The following NEIL3 variants were observed in gnomAD, a reference collection of about 807,000 sequenced individuals.
The protein encoded by NEIL3 is nei like DNA glycosylase 3.
A neutral mutation model predicts 57.5 loss-of-function variants in NEIL3; 48 were observed. The ratio of observed to expected loss-of-function variants is 0.83; its 90% CI spans 0.66 to 1.06. The LOEUF (loss-of-function observed/expected upper bound fraction) is 1.06, where lower values mean the gene tolerates loss of function less well. NEIL3 is among the 50% of genes least tolerant of loss of function. The probability of loss-of-function intolerance (pLI) is 0.00; values close to 1 mark genes in which losing one functional copy is unlikely to be tolerated. For synonymous variants in NEIL3, 261 were observed against 253.2 expected (o/e 1.03, Z -0.29); for missense variants, 717 against 739.1 (o/e 0.97, Z 0.35).
the NEIL3 span, among the ~76,000 whole-genome samples, chr4:177,368,636 C>CT: frequency 6.6e-6 from 1 of 152,228 alleles, no homozygotes; most frequent in Admixed American, 6.5e-5. Context: ...ATTTGTTAAA[C>CT]TTTGTAGATG....
chr4:177,335,657 G>A (rs773904591), intron 2 of NEIL3, 31 bp from the exon 3 acceptor site: 1 of 1,599,266 alleles, frequency 6.3e-7, no homozygotes, highest in East Asian at 2.2e-5. Context: ...TATACTTTCT[G>A]CCACTCAAAA....
chr4:177,319,788 G>A (rs960105640), intron 1 of NEIL3, among the ~76,000 whole-genome samples: 2 of 152,164 alleles, frequency 1.3e-5, no homozygotes, highest in Non-Finnish European at 1.5e-5. Context: ...AGAAGGGTGT[G>A]TGTGTGTGTA....
chr4:177,323,796 G>T (rs1242149183), intron 2 of NEIL3, among the ~76,000 whole-genome samples: 1 of 152,134 alleles, frequency 6.6e-6, no homozygotes, highest in Non-Finnish European at 1.5e-5. Context: ...ATGAGAGGGG[G>T]TTTTTATCAA....
intron 2 of NEIL3, among the ~76,000 whole-genome samples, chr4:177,335,355 A>G (rs1734953344): frequency 6.6e-6 from 1 of 152,188 alleles, no homozygotes; most frequent in African/African-American, 2.4e-5. Flanking sequence ...GAGATGCTAG[A>G]CTGTTCCATG....
intron 6 of NEIL3, chr4:177,343,033 G>A (rs764941974): frequency 2.0e-5 from 3 of 152,238 alleles, no homozygotes; most frequent in Admixed American, 6.5e-5. Flanking sequence ...ATGGGCAAGC[G>A]ATGGTTACCA....
chr4:177,320,462 C>CTTTTTTTTTTTTTTTTTTTTT (rs1560908362), intron 1 of NEIL3, among the ~76,000 whole-genome samples: 1 of 110,694 alleles, frequency 9.0e-6, no homozygotes. Context: ...GAAGTGACTG[C>CTTTTTTTTTTTTTTTTTTTTT]TGTCTTTTTT....
intron 1 of NEIL3, among the ~76,000 whole-genome samples, chr4:177,315,955 T>G (rs1347912453): frequency 6.6e-6 from 1 of 152,132 alleles, no homozygotes; most frequent in Non-Finnish European, 1.5e-5. Flanking sequence ...TTAAGCACAG[T>G]AGTACCACCT....
At chr4:177,356,851 C>G (rs1412683583) in intron 8 of NEIL3, 2 of 152,180 alleles carry the variant, frequency 1.3e-5, no homozygotes, top group Non-Finnish European at 2.9e-5. Context: ...AGTTGTCGAT[C>G]CAATTACTGT....
intron 8 of NEIL3, among the ~76,000 whole-genome samples, chr4:177,358,204 G>A (rs1735521355): frequency 6.6e-6 from 1 of 152,188 alleles, no homozygotes; most frequent in Non-Finnish European, 1.5e-5. Flanking sequence ...GGATATGTCT[G>A]TGTTTTCTAA....
chr4:177,320,157 T>G (rs1346337773), intron 1 of NEIL3, among the ~76,000 whole-genome samples: 1 of 152,176 alleles, frequency 6.6e-6, no homozygotes, highest in African/African-American at 2.4e-5. Context: ...ACTATTGTAA[T>G]CTATACTTGG....
chr4:177,336,692 C>T (rs1020939758), intron 4 of NEIL3, among the ~76,000 whole-genome samples: 2 of 152,198 alleles, frequency 1.3e-5, no homozygotes, highest in African/African-American at 4.8e-5. Context: ...GGCTTTTGTT[C>T]ACTGAAGTAT....
At chr4:177,361,732 C>T (rs539078801) in intron 9 of NEIL3, among the ~76,000 whole-genome samples, 8 of 151,990 alleles carry the variant, frequency 5.3e-5, no homozygotes, top group Non-Finnish European at 1.0e-4. Flanking sequence ...TCTTTCTTTT[C>T]CTAAGGAAGT....
chr4:177,357,919 A>G (rs930256999), intron 8 of NEIL3, among the ~76,000 whole-genome samples: 1 of 152,250 alleles, frequency 6.6e-6, no homozygotes, highest in Non-Finnish European at 1.5e-5. Flanking sequence ...TGTATGCTAC[A>G]TTTAAGTAAG....
intron 9 of NEIL3, among the ~76,000 whole-genome samples, chr4:177,361,801 A>T (rs1735612182): frequency 2.0e-5 from 3 of 151,826 alleles, no homozygotes; most frequent in South Asian, 4.2e-4. Flanking sequence ...TTGTTGTTTG[A>T]TTTTTTTAGA....
intron 2 of NEIL3, 50 bp downstream of exon 2, chr4:177,322,630 G>C (rs150709956): frequency 6.2e-7 from 1 of 1,609,430 alleles, no homozygotes; most frequent in East Asian, 2.2e-5. Context: ...TTAAAGATGC[G>C]TAGAAGGCTA....
chr4:177,348,526 G>A (rs1735272617), intron 6 of NEIL3, among the ~76,000 whole-genome samples: 1 of 152,132 alleles, frequency 6.6e-6, no homozygotes, highest in Non-Finnish European at 1.5e-5. Context: ...ACAGATGTGA[G>A]GTGATGCTGG....
At chr4:177,365,985 C>T (rs988399855), downstream of NEIL3, among the ~76,000 whole-genome samples, 1 of 151,968 alleles carries the variant, frequency 6.6e-6, no homozygotes, top group Non-Finnish European at 1.5e-5. Flanking sequence ...CAAGACCCAC[C>T]CTAAGATGGC....
At chr4:177,329,587 C>T (rs1044164213) in intron 2 of NEIL3, among the ~76,000 whole-genome samples, 1 of 152,040 alleles carries the variant, frequency 6.6e-6, no homozygotes, top group Non-Finnish European at 1.5e-5. Context: ...GCAAGAACTG[C>T]TAGAATGGAA....
intron 1 of NEIL3, among the ~76,000 whole-genome samples, chr4:177,321,785 G>A (rs1446431353): frequency 6.6e-5 from 10 of 152,132 alleles, no homozygotes; most frequent in African/African-American, 1.9e-4. Flanking sequence ...TCAGGGGGCC[G>A]CAGGTTTTTA....
Sources: allele counts gnomAD v4.1 joint callset (sites outside exome capture counted in the v4.1 genomes callset), GRCh38; gene constraint gnomAD v4.1.1; transcripts MANE v1.5; gene names NCBI Gene and HGNC (gene_info 2026-07-23, HGNC 2026-07-21).